The following CELF4 variants were observed in gnomAD, a reference collection of about 807,000 sequenced individuals.
The protein encoded by CELF4 is CUGBP Elav-like family member 4, also known as CUG-BP- and ETR-3-like factor 4.
In CELF4, 18 loss-of-function variants were observed where a neutral mutation model predicts 59.9. The ratio of observed to expected loss-of-function variants is 0.30; its 90% confidence interval spans 0.21 to 0.45. The LOEUF is 0.45. Ranked by LOEUF, CELF4 falls within the 20% of genes least tolerant of loss-of-function variation. CELF4 has a pLI of 1.00. For missense variants in CELF4, 456 were observed against 689.0 expected (o/e 0.66, Z 3.79); for synonymous variants, 261 against 267.1 (o/e 0.98, Z 0.22).
chr18:37,344,696 A>G (rs946351559), intron 2 of CELF4, among the ~76,000 whole-genome samples: 9 of 152,212 alleles, frequency 5.9e-5, no homozygotes, highest in African/African-American at 1.7e-4. Flanking sequence ...TCCATGCACT[A>G]ACCCCATGTT....
chr18:37,532,443 CT>C (rs1264146229), intron 1 of CELF4, among the ~76,000 whole-genome samples: 2 of 152,304 alleles, frequency 1.3e-5, no homozygotes, highest in East Asian at 3.9e-4. Context: ...TGGATGCTAT[CT>C]TTTGGGGAGG....
At chr18:37,478,920 G>C (rs2099858382) in intron 2 of CELF4, among the ~76,000 whole-genome samples, 3 of 152,198 alleles carry the variant, frequency 2.0e-5, no homozygotes, top group Admixed American at 6.5e-5. Context: ...GTTTGCTGTT[G>C]GGATGGGGGC....
At chr18:37,367,544 C>T (rs867829335) in intron 2 of CELF4, among the ~76,000 whole-genome samples, 22 of 152,018 alleles carry the variant, frequency 1.4e-4, no homozygotes, top group Admixed American at 1.2e-3. Flanking sequence ...ACAGGAAGGC[C>T]ACGGCTGAAT....
At chr18:37,388,906 G>A (rs548827503) in intron 2 of CELF4, among the ~76,000 whole-genome samples, 159 of 152,166 alleles carry the variant, frequency 1.0e-3, no homozygotes, top group African/African-American at 3.6e-3. Context: ...GTCATCCATC[G>A]GTTAGTTACC....
At chr18:37,414,148 AC>A (rs2099501314) in intron 2 of CELF4, among the ~76,000 whole-genome samples, 2 of 152,160 alleles carry the variant, frequency 1.3e-5, no homozygotes, top group Non-Finnish European at 2.9e-5. Context: ...TTGACTGAAA[AC>A]AGTATAATGC....
intron 1 of CELF4, among the ~76,000 whole-genome samples, chr18:37,492,169 C>T (rs747677229): frequency 5.3e-5 from 8 of 152,098 alleles, no homozygotes; most frequent in Non-Finnish European, 1.2e-4. Context: ...CTTGGCCGGC[C>T]TGGAGGAAGT....
At chr18:37,427,988 C>T (rs1234152211) in intron 2 of CELF4, among the ~76,000 whole-genome samples, 2 of 152,264 alleles carry the variant, frequency 1.3e-5, no homozygotes, top group South Asian at 2.1e-4. Flanking sequence ...TGCATGTGCA[C>T]ACCCCGGCAT....
At chr18:37,355,832 G>A (rs1429641518) in intron 2 of CELF4, among the ~76,000 whole-genome samples, 1 of 152,190 alleles carries the variant, frequency 6.6e-6, no homozygotes, top group African/African-American at 2.4e-5. Flanking sequence ...GCTTCCCTGG[G>A]CTCTGTGCCA....
chr18:37,405,830 A>T (rs1466054063), intron 2 of CELF4, among the ~76,000 whole-genome samples: 3 of 152,070 alleles, frequency 2.0e-5, no homozygotes, highest in Non-Finnish European at 2.9e-5. Context: ...TCCCCTTCAC[A>T]CATCATTTCC....
intron 1 of CELF4, among the ~76,000 whole-genome samples, chr18:37,518,608 C>A (rs1395557082): frequency 1.3e-5 from 2 of 152,078 alleles, no homozygotes; most frequent in African/African-American, 4.8e-5. Context: ...TCCCAGGGTA[C>A]AAAGCCCCCT....
chr18:37,443,209 C>T (rs72889350), intron 2 of CELF4, among the ~76,000 whole-genome samples: 2,713 of 152,202 alleles, frequency 0.018, 43 homozygotes, highest in South Asian at 0.027. Flanking sequence ...TGTCTCTGTC[C>T]CTCCGCCTCC....
chr18:37,533,081 A>G (rs2099970810), intron 1 of CELF4, among the ~76,000 whole-genome samples: 1 of 152,256 alleles, frequency 6.6e-6, no homozygotes, highest in Admixed American at 6.5e-5. Context: ...TCCAGAACGC[A>G]GCCTTCCAGC....
intron 11 of CELF4, chr18:37,258,920 C>A: frequency 1.9e-6 from 1 of 538,152 alleles, no homozygotes; most frequent in Non-Finnish European, 3.3e-6. Flanking sequence ...AGATGGGGAG[C>A]CAGGTTGTGT....
At chr18:37,269,247 TCTCTAGACTC>T (rs1321356177) in intron 8 of CELF4, among the ~76,000 whole-genome samples, 31 of 151,994 alleles carry the variant, frequency 2.0e-4, no homozygotes, top group African/African-American at 7.5e-4. Context: ...ATCACTTCAC[TCTCTAGACTC>T]CTCTGGCCTC....
chr18:37,349,957 G>A (rs1042298783), intron 2 of CELF4, among the ~76,000 whole-genome samples: 5 of 152,126 alleles, frequency 3.3e-5, no homozygotes. Context: ...GTGGCCCCTC[G>A]ATCACATGCG....
chr18:37,253,416 C>T lies in CELF4; in HGVS notation c.*44+351G>A, dbSNP rs1023508566. Among the ~76,000 whole-genome samples, 4 of 152,178 alleles carry T rather than the reference C, an allele frequency of 2.6e-5. No homozygotes were observed. The highest frequency in any genetic ancestry group is 9.6e-5 in the African/African-American group (4 of 41,462). On this transcript the variant is annotated intron_variant, in intron 12 of 12. Coordinates refer to ENST00000420428, the MANE Select transcript of CELF4 (RefSeq NM_020180.4). This position sits in a 1 kb window ranked among gnomAD's most constrained non-coding sequence, Gnocchi z 4.5. ...CTTCTGGGTAGAGCCTGTTCTGCCC[C>T]CAACCTCCCTCAGCCTGAGCTTGCC...
At chr18:37,484,807 A>C (rs1199096290) in intron 2 of CELF4, among the ~76,000 whole-genome samples, 2 of 152,210 alleles carry the variant, frequency 1.3e-5, no homozygotes, top group Non-Finnish European at 2.9e-5. Flanking sequence ...AAGCGTCAAC[A>C]CTATATTTAG....
chr18:37,341,689 G>A (rs1343955953), intron 2 of CELF4, among the ~76,000 whole-genome samples: 1 of 152,194 alleles, frequency 6.6e-6, no homozygotes, highest in African/African-American at 2.4e-5. Context: ...GCATGCTCCA[G>A]AGGGGACCCT....
At chr18:37,385,052 A>G (rs1603632907) in intron 2 of CELF4, among the ~76,000 whole-genome samples, 1 of 152,168 alleles carries the variant, frequency 6.6e-6, no homozygotes, top group African/African-American at 2.4e-5. Flanking sequence ...TTGTTAAGGA[A>G]ATGTGATCAC....
Sources: gnomAD v4.1 joint callset for allele counts (sites outside exome capture counted in the v4.1 genomes callset) on GRCh38, gnomAD v4.1.1 for gene constraint, Gnocchi (gnomAD v3.1) non-coding constraint, MANE v1.5 for transcripts, NCBI Gene and HGNC (gene_info 2026-07-23, HGNC 2026-07-21) for gene names.